SAMMSON: variants seen among roughly 807,000 people sequenced by gnomAD.
The protein encoded by SAMMSON is long intergenic non-protein coding RNA 1212.
intron 4 of SAMMSON, among the ~76,000 whole-genome samples, chr3:70,190,980 A>G (rs891610566): frequency 3.2e-4 from 49 of 152,304 alleles, no homozygotes; most frequent in African/African-American, 1.2e-3. Context: ...AGTATTGCCA[A>G]CTACACAGCA....
At chr3:70,347,697 C>T (rs911948259) in intron 7 of SAMMSON, among the ~76,000 whole-genome samples, 1 of 152,072 alleles carries the variant, frequency 6.6e-6, no homozygotes, top group East Asian at 1.9e-4. Context: ...AAGTTTATAC[C>T]CTAGTGTGTG....
At chr3:70,180,220 A>G (rs988575832) in intron 4 of SAMMSON, among the ~76,000 whole-genome samples, 1 of 152,122 alleles carries the variant, frequency 6.6e-6, no homozygotes, top group African/African-American at 2.4e-5. Context: ...ATTTCTTCAT[A>G]GATAAAATGA....
At chr3:70,001,219 C>T (rs1282598668) in intron 1 of SAMMSON, among the ~76,000 whole-genome samples, 4 of 152,024 alleles carry the variant, frequency 2.6e-5, no homozygotes, top group Admixed American at 6.5e-5. Context: ...TGCATAAAAA[C>T]TTCAGGCACT....
At chr3:70,255,946 CT>C (rs1170063320) in intron 6 of SAMMSON, among the ~76,000 whole-genome samples, 2 of 152,136 alleles carry the variant, frequency 1.3e-5, no homozygotes, top group African/African-American at 4.8e-5. Context: ...AATTGGTAAA[CT>C]TTTTACAACA....
intron 2 of SAMMSON, among the ~76,000 whole-genome samples, chr3:70,395,200 CT>C (rs1259210598): frequency 6.6e-6 from 1 of 152,146 alleles, no homozygotes; most frequent in Non-Finnish European, 1.5e-5. Context: ...CTCTCTAATC[CT>C]GCCAAAGGTC....
At chr3:70,401,388 C>T (rs2106763079) in intron 2 of SAMMSON, among the ~76,000 whole-genome samples, 1 of 152,230 alleles carries the variant, frequency 6.6e-6, no homozygotes, top group East Asian at 1.9e-4. Flanking sequence ...TAGGCCTCTA[C>T]CTTACTCTTA....
chr3:70,000,722 C>T (rs1340509642), intron 1 of SAMMSON, among the ~76,000 whole-genome samples: 1 of 152,186 alleles, frequency 6.6e-6, no homozygotes. Flanking sequence ...GACAATATCA[C>T]CATTGTTTGC....
intron 4 of SAMMSON, among the ~76,000 whole-genome samples, chr3:70,097,769 A>G (rs2067327874): frequency 6.6e-6 from 1 of 152,194 alleles, no homozygotes; most frequent in Non-Finnish European, 1.5e-5. Flanking sequence ...GGTTACTCGC[A>G]ATCATTTAAA....
intron 9 of SAMMSON, among the ~76,000 whole-genome samples, chr3:70,368,966 G>A (rs921975185): frequency 2.0e-5 from 3 of 151,676 alleles, no homozygotes; most frequent in Middle Eastern, 3.4e-3. Flanking sequence ...AATTAACATT[G>A]AGTCTTCCAA....
chr3:70,364,286 GA>G (rs2106741818), intron 9 of SAMMSON, among the ~76,000 whole-genome samples: 1 of 151,956 alleles, frequency 6.6e-6, no homozygotes, highest in Non-Finnish European at 1.5e-5. Context: ...CTGAGTTATT[GA>G]TTGTTCAAAA....
At chr3:70,235,780 C>T (rs1303045324) in intron 4 of SAMMSON, among the ~76,000 whole-genome samples, 1 of 152,184 alleles carries the variant, frequency 6.6e-6, no homozygotes, top group Non-Finnish European at 1.5e-5. Context: ...TCCCTTGTCA[C>T]TAAGCCTCAT....
chr3:70,235,750 G>C (rs112907805), intron 4 of SAMMSON, among the ~76,000 whole-genome samples: 19 of 152,280 alleles, frequency 1.2e-4, no homozygotes, highest in African/African-American at 4.3e-4. Flanking sequence ...ATTTATTGCT[G>C]TATGACTTAG....
At chr3:70,259,911 A>G (rs1701849846) in intron 6 of SAMMSON, among the ~76,000 whole-genome samples, 1 of 152,164 alleles carries the variant, frequency 6.6e-6, no homozygotes, top group Admixed American at 6.6e-5. Flanking sequence ...ACAAGGAAGC[A>G]GGAAGGAGAA....
At chr3:70,173,045 A>T (rs758663644) in intron 4 of SAMMSON, 1 of 151,874 alleles carries the variant, frequency 6.6e-6, no homozygotes, top group Non-Finnish European at 1.5e-5. Flanking sequence ...AGGATGTTGA[A>T]ACCATCCATA....
At chr3:70,320,740 A>G (rs561404418) in intron 7 of SAMMSON, among the ~76,000 whole-genome samples, 84 of 151,984 alleles carry the variant, frequency 5.5e-4, no homozygotes, top group Non-Finnish European at 1.1e-3. Context: ...GGCCAATCCA[A>G]TCCTCTCCCA....
At chr3:70,251,281 G>A (rs1419910282) in intron 6 of SAMMSON, among the ~76,000 whole-genome samples, 8 of 152,134 alleles carry the variant, frequency 5.3e-5, no homozygotes, top group Non-Finnish European at 5.9e-5. Flanking sequence ...TGAGTTCTTA[G>A]AACTCAATGT....
At chr3:70,220,921 G>A (rs773695797) in intron 4 of SAMMSON, among the ~76,000 whole-genome samples, 7 of 152,148 alleles carry the variant, frequency 4.6e-5, no homozygotes, top group Non-Finnish European at 7.4e-5. Flanking sequence ...TTAGCACAGG[G>A]CTTGGCGTAA....
intron 3 of SAMMSON, chr3:70,068,946 A>G (rs1260752134): frequency 6.6e-6 from 1 of 152,110 alleles, no homozygotes; most frequent in African/African-American, 2.4e-5. Context: ...TAAATGTTCA[A>G]GAGTATTTAT....
rs149572991 is a variant in SAMMSON, at chr3:70,230,947, A to G, written n.508-18160A>G. ...TTTCAATTTGGATGAAAAGACCACA[A>G]CCTGATCCCATTTCGCAGTGATTCC... On this transcript the variant is annotated intron_variant and non_coding_transcript_variant, in intron 4 of 9. Coordinates refer to ENST00000642114, the Ensembl canonical transcript of SAMMSON. Among the ~76,000 whole-genome samples, 1,148 of 152,264 alleles carry G rather than the reference A, an allele frequency of 7.5e-3. 6 individuals carry two copies. Among genetic ancestry groups the G allele is most frequent in the Non-Finnish European group, 0.012 (796 of 68,014 alleles).
Sources: gnomAD v4.1 joint callset for allele counts (sites outside exome capture counted in the v4.1 genomes callset) on GRCh38, gnomAD v4.1.1 for gene constraint, MANE v1.5 for transcripts, NCBI Gene and HGNC (gene_info 2026-07-23, HGNC 2026-07-21) for gene names.